Variants in SERINC1 observed in about 807,000 individuals in gnomAD.
SERINC1 encodes tumor differentially expressed protein 2.
SERINC1 carries 38 observed loss-of-function variants against 52.9 expected under a neutral mutation model. The observed-to-expected ratio is 0.72, with a 90% CI of 0.55 to 0.94. SERINC1 has a LOEUF of 0.94. Among genes scored for constraint, SERINC1 ranks in the 40% least tolerant of loss-of-function variants. SERINC1 has a pLI of 0.00. For missense variants in SERINC1, 471 were observed against 533.9 expected, an observed-to-expected ratio of 0.88 and a Z score of 1.16; for synonymous variants, 198 against 183.1, an observed-to-expected ratio of 1.08 and a Z score of -0.66.
intron 1 of SERINC1, among the ~76,000 whole-genome samples, chr6:122,470,933 A>C (rs1163490727): frequency 6.6e-6 from 1 of 151,878 alleles, no homozygotes; most frequent in Non-Finnish European, 1.5e-5. Context: ...TCTTGCCACT[A>C]TACTGAAAAT....
intron 7 of SERINC1, 34 bp from the exon 8 acceptor site, chr6:122,447,299 A>T: frequency 1.3e-6 from 2 of 1,529,932 alleles, no homozygotes; most frequent in Non-Finnish European, 1.8e-6. Context: ...ATGTTAGAAT[A>T]TATTAAAAAG....
At chr6:122,446,394 A>AT (rs1774803063) in intron 9 of SERINC1, among the ~76,000 whole-genome samples, 1 of 152,156 alleles carries the variant, frequency 6.6e-6, no homozygotes, top group Non-Finnish European at 1.5e-5. Flanking sequence ...TCATACTTAA[A>AT]TTTAAAAATT....
chr6:122,446,648 T>C, intron 9 of SERINC1, 126 bp downstream of exon 9: 1 of 642,694 alleles, frequency 1.6e-6, no homozygotes. Context: ...TCACTATTCA[T>C]TTAGCTGTAC....
intron 1 of SERINC1, among the ~76,000 whole-genome samples, chr6:122,467,292 G>A (rs1775207070): frequency 6.6e-6 from 1 of 152,136 alleles, no homozygotes; most frequent in Non-Finnish European, 1.5e-5. Flanking sequence ...GGAAAAGTCT[G>A]AGGTTAAATA....
intron 1 of SERINC1, 111 bp downstream of exon 1, chr6:122,471,588 C>T: frequency 7.7e-7 from 1 of 1,304,466 alleles, no homozygotes; most frequent in Non-Finnish European, 1.1e-6. Flanking sequence ...AGAGGGCACT[C>T]CCTGTTGGGT....
At position 122,471,801 on chromosome 6, in the gene SERINC1, C is replaced by A. The variant is rs1249612731; in HGVS notation, c.-64G>T. The A allele has an allele frequency of 1.2e-6, 2 of 1,611,974 alleles. No homozygotes were observed. The highest frequency in any genetic ancestry group is 4.5e-5 in the East Asian group (2 of 44,840). On this transcript the variant is annotated 5_prime_UTR_variant, in exon 1 of 10. Transcript: ENST00000339697. Reference sequence around the variant, plus strand: ...GGAGACAGCTTCTTTCTCGCCTTTCCGAGATTATTTACTATCTGCGAGACA... The same window carrying A: ...GGAGACAGCTTCTTTCTCGCCTTTCAGAGATTATTTACTATCTGCGAGACA...
intron 1 of SERINC1, among the ~76,000 whole-genome samples, chr6:122,467,395 A>C (rs1436886790): frequency 6.6e-6 from 1 of 152,158 alleles, no homozygotes; most frequent in East Asian, 1.9e-4. Context: ...ACTTGAGGCT[A>C]GGAGTTCTGA....
chr6:122,457,065 A>G (rs908961615), intron 2 of SERINC1, among the ~76,000 whole-genome samples: 2 of 152,172 alleles, frequency 1.3e-5, no homozygotes, highest in Non-Finnish European at 2.9e-5. Flanking sequence ...TTCCAGTCCC[A>G]GCACTCTAAA....
chr6:122,470,558 C>G (rs1479533921), intron 1 of SERINC1, among the ~76,000 whole-genome samples: 1 of 152,160 alleles, frequency 6.6e-6, no homozygotes, highest in Non-Finnish European at 1.5e-5. Flanking sequence ...TAATTAAACT[C>G]TCTAATATCT....
In SERINC1 at chr6:122,444,419, A is replaced by G. The variant is rs1440186610; in HGVS notation, c.*625T>C. 1 of 152,244 alleles carries G rather than the reference A, an allele frequency of 6.6e-6. No homozygotes were observed. The highest frequency in any genetic ancestry group is 1.5e-5 in the Non-Finnish European group (1 of 68,088). 9.4% of individuals were successfully genotyped at this position (152,244 alleles called of 1,614,324 possible). On this transcript the variant is annotated 3_prime_UTR_variant, in exon 10 of 10. Transcript: ENST00000339697. ...ATACTTCATGAGTTTAAAACAACCA[A>G]AACAGTTCACTTTGTTGGCAAAGGC...
At chr6:122,452,215 AAATT>A (rs1395424226) in intron 5 of SERINC1, among the ~76,000 whole-genome samples, 158 bp from the exon 6 acceptor site, 1 of 152,212 alleles carries the variant, frequency 6.6e-6, no homozygotes, top group African/African-American at 2.4e-5. Context: ...GCAGGAAAGA[AAATT>A]AATTCTGACC....
chr6:122,469,380 G>T (rs1400007630), intron 1 of SERINC1, among the ~76,000 whole-genome samples: 199 of 139,132 alleles, frequency 1.4e-3, no homozygotes, highest in African/African-American at 4.7e-3. Context: ...TTTTGTTTTT[G>T]TTTTTTTTTT....
intron 1 of SERINC1, among the ~76,000 whole-genome samples, chr6:122,469,506 G>A (rs556429385): frequency 3.3e-5 from 5 of 151,312 alleles, no homozygotes; most frequent in African/African-American, 1.2e-4. Context: ...CCACCCGAGT[G>A]GGATTACAGG....
At chr6:122,456,238 G>C (rs777896685) in intron 3 of SERINC1, among the ~76,000 whole-genome samples, 2 of 152,090 alleles carry the variant, frequency 1.3e-5, no homozygotes, top group East Asian at 1.9e-4. Flanking sequence ...AAATATAATA[G>C]AGCCTCTTTT....
Position 122,453,844 on chromosome 6 carries a change from ATAAG to A in SERINC1, c.511_514del (p.Asp173LeufsTer31), listed in dbSNP as rs761231425. On this transcript the variant is annotated frameshift_variant, in exon 5 of 10. Transcript: ENST00000339697. LOFTEE classifies it high-confidence loss of function. Reference sequence around the variant, plus strand: ...TTCATTCCATGAATGTGCAAAATCAATAAGTAAGACTAGTTGTATGAGGATGAAA... The same window carrying A: ...TTCATTCCATGAATGTGCAAAATCAATAAGACTAGTTGTATGAGGATGAAA... The A allele has an allele frequency of 8.7e-6, 14 of 1,610,388 alleles. No individual in the cohort carries two copies. The highest frequency in any genetic ancestry group is 4.5e-5 in the East Asian group (2 of 44,802).
At chr6:122,470,998 G>A (rs1301840701) in intron 1 of SERINC1, among the ~76,000 whole-genome samples, 1 of 151,018 alleles carries the variant, frequency 6.6e-6, no homozygotes, top group African/African-American at 2.4e-5. Context: ...AATTAAGCAT[G>A]AAATTTCAGA....
chr6:122,471,446 G>A (rs913715890), intron 1 of SERINC1, among the ~76,000 whole-genome samples: 2 of 152,112 alleles, frequency 1.3e-5, no homozygotes, highest in African/African-American at 4.8e-5. Context: ...CCCTATTCTA[G>A]TTCTCTTCCT....
chr6:122,466,127 A>G (rs562874161), intron 1 of SERINC1, among the ~76,000 whole-genome samples: 3 of 152,242 alleles, frequency 2.0e-5, no homozygotes, highest in South Asian at 2.1e-4. Context: ...CCAGCTACTC[A>G]GAAGGCTGAG....
At position 122,452,053 on chromosome 6, in the gene SERINC1, C is replaced by T; in HGVS notation, c.594G>A (p.Leu198=). The change falls in exon 6 of 10, where the codon TTG becomes TTA. Residue 198 remains leucine, a synonymous_variant. Coordinates refer to ENST00000339697, the MANE Select transcript of SERINC1 (RefSeq NM_020755.4). Reference sequence around the variant, plus strand: ...GATAATTCAGAGCTGTAGCTGATAACAAGGCTGTGAAAGAAATATAATTGG... The same window carrying T: ...GATAATTCAGAGCTGTAGCTGATAATAAGGCTGTGAAAGAAATATAATTGG... ...EGNSRCWYAA[L]LSATALNYLL... 1 of 1,504,578 alleles carries T rather than the reference C, an allele frequency of 6.6e-7. No individual in the cohort carries two copies. Among genetic ancestry groups the T allele is most frequent in the Non-Finnish European group, 8.9e-7 (1 of 1,128,084 alleles). 93.2% of individuals were successfully genotyped at this position (1,504,578 alleles called of 1,614,324 possible). A position where few individuals can be genotyped will look rare whatever the true frequency, so the allele number is the denominator to read the frequency against.
Sources: allele counts gnomAD v4.1 joint callset (sites outside exome capture counted in the v4.1 genomes callset), GRCh38; gene constraint gnomAD v4.1.1; transcripts MANE v1.5; gene names NCBI Gene and HGNC (gene_info 2026-07-23, HGNC 2026-07-21).